Variants in BBS9 observed in about 807,000 individuals in gnomAD.
The protein encoded by BBS9 is protein PTHB1.
In BBS9, 89 loss-of-function variants were observed where a neutral mutation model predicts 117.7. That is an observed-to-expected ratio of 0.76 (90% CI 0.64 to 0.90). The LOEUF (loss-of-function observed/expected upper bound fraction) is 0.90. Ranked by LOEUF, BBS9 falls within the 40% of genes least tolerant of loss-of-function variation. The pLI is 0.00. For missense variants in BBS9, 982 were observed against 1,042.2 expected (o/e 0.94, Z 0.80); for synonymous variants, 379 against 370.9 (o/e 1.02, Z -0.25).
intron 6 of BBS9, among the ~76,000 whole-genome samples, chr7:33,257,779 GATATAATAAATA>G (rs971319986): frequency 6.6e-6 from 1 of 152,022 alleles, no homozygotes; most frequent in African/African-American, 2.4e-5. Flanking sequence ...ATTGTTCCTT[GATATAATAAATA>G]ATTAAATACG....
At chr7:33,168,040 A>T (rs1407496910) in intron 4 of BBS9, among the ~76,000 whole-genome samples, 2 of 152,206 alleles carry the variant, frequency 1.3e-5, no homozygotes, top group East Asian at 3.9e-4. Flanking sequence ...TACATATATT[A>T]ATAACATATT....
At chr7:33,141,533 AAT>A (rs1791463537) in intron 1 of BBS9, among the ~76,000 whole-genome samples, 1 of 152,084 alleles carries the variant, frequency 6.6e-6, no homozygotes, top group Non-Finnish European at 1.5e-5. Flanking sequence ...ATGCCCATCT[AAT>A]TTTTTTATTC....
intron 5 of BBS9, among the ~76,000 whole-genome samples, chr7:33,231,021 T>G (rs1792272677): frequency 6.6e-6 from 1 of 152,196 alleles, no homozygotes; most frequent in Non-Finnish European, 1.5e-5. Context: ...GAAGTCGTAC[T>G]AATTTATATT....
chr7:33,510,763 G>A (rs1174004339), intron 20 of BBS9, among the ~76,000 whole-genome samples: 2 of 152,186 alleles, frequency 1.3e-5, no homozygotes, highest in Admixed American at 1.3e-4. Flanking sequence ...ACATTGGATA[G>A]CCCAGATATA....
chr7:33,241,916 C>G (rs1416890313), intron 5 of BBS9, among the ~76,000 whole-genome samples: 1 of 152,046 alleles, frequency 6.6e-6, no homozygotes, highest in Non-Finnish European at 1.5e-5. Context: ...GTTTTCATCT[C>G]ATTCTCTATT....
At chr7:33,365,017 TTTTCA>T (rs985098276) in intron 16 of BBS9, among the ~76,000 whole-genome samples, 1 of 151,940 alleles carries the variant, frequency 6.6e-6, no homozygotes, top group African/African-American at 2.4e-5. Flanking sequence ...CGCCCAGCTG[TTTTCA>T]TTTCATTCAT....
intron 1 of BBS9, among the ~76,000 whole-genome samples, chr7:33,145,075 T>A (rs1307575818): frequency 6.6e-6 from 1 of 152,204 alleles, no homozygotes; most frequent in African/African-American, 2.4e-5. Context: ...TATTGATTGG[T>A]TGAAGAAAAT....
At chr7:33,150,406 G>C (rs1793121473) in intron 2 of BBS9, among the ~76,000 whole-genome samples, 1 of 152,188 alleles carries the variant, frequency 6.6e-6, no homozygotes, top group Non-Finnish European at 1.5e-5. Context: ...CAGTCTACTA[G>C]AGTTTCACCT....
At chr7:33,374,032 T>C (rs1030120390) in intron 17 of BBS9, among the ~76,000 whole-genome samples, 1 of 152,216 alleles carries the variant, frequency 6.6e-6, no homozygotes, top group Non-Finnish European at 1.5e-5. Flanking sequence ...GTATAAACAC[T>C]GTTGTGGCTC....
At chr7:33,628,244 A>T (rs184730999) in intron 21 of BBS9, among the ~76,000 whole-genome samples, 30 of 152,288 alleles carry the variant, frequency 2.0e-4, no homozygotes, top group African/African-American at 5.3e-4. Flanking sequence ...ACACAAACAG[A>T]AGAATAAAAA....
intron 1 of BBS9, among the ~76,000 whole-genome samples, chr7:33,141,583 A>G (rs918743335): frequency 7.9e-5 from 12 of 152,230 alleles, no homozygotes; most frequent in Middle Eastern, 6.8e-3. Flanking sequence ...GCCCAGGCTA[A>G]TTATAGATGT....
At chr7:33,348,636 A>G (rs1818042270) in intron 12 of BBS9, among the ~76,000 whole-genome samples, 1 of 152,184 alleles carries the variant, frequency 6.6e-6, no homozygotes, top group Non-Finnish European at 1.5e-5. Flanking sequence ...AGAAACTGCC[A>G]AACTTTTCTT....
In BBS9 at chr7:33,596,391, C is replaced by CTATA. The variant is rs58924113; in HGVS notation, c.2522-8469_2522-8466dup. Reference sequence around the variant, plus strand: ...TCTATCTATCTATCTATCTATCTATCTATATATAATTAGTCAAAAAAATTC... The same window carrying CTATA: ...TCTATCTATCTATCTATCTATCTATCTATATATATATAATTAGTCAAAAAAATTC... On this transcript the variant is annotated intron_variant, in intron 21 of 22. Coordinates refer to ENST00000242067, the MANE Select transcript of BBS9 (RefSeq NM_198428.3). 9.5e-3 allele frequency among the ~76,000 whole-genome samples: 1,424 copies of CTATA among 150,506 alleles called. 23 individuals carry two copies. Among genetic ancestry groups the CTATA allele is most frequent in the African/African-American group, 0.029 (1,198 of 40,838 alleles).
intron 5 of BBS9, among the ~76,000 whole-genome samples, chr7:33,213,321 A>G (rs1405312366): frequency 5.3e-5 from 8 of 152,178 alleles, no homozygotes. Flanking sequence ...TTAAAGTCCA[A>G]GGTCTCTTCA....
At chr7:33,508,817 A>G (rs1846506669) in intron 20 of BBS9, among the ~76,000 whole-genome samples, 1 of 152,202 alleles carries the variant, frequency 6.6e-6, no homozygotes, top group Admixed American at 6.5e-5. Flanking sequence ...AGACTTTCCT[A>G]GAAATAAATG....
At chr7:33,400,851 A>T (rs1828792124) in intron 19 of BBS9, among the ~76,000 whole-genome samples, 1 of 152,230 alleles carries the variant, frequency 6.6e-6, no homozygotes, top group Non-Finnish European at 1.5e-5. Context: ...TATAGCCTGG[A>T]ACAATCTAGC....
Position 33,237,340 on chromosome 7 carries a change from G to A in BBS9, c.443-19896G>A, listed in dbSNP as rs75274917. ...CACACAGACTTTTGTTCTTCTTTGA[G>A]CTATGTACAATTCTATATTTGGATA... is the stretch of plus-strand genomic sequence containing the variant. On this transcript the variant is annotated intron_variant, in intron 5 of 22. Coordinates refer to ENST00000242067, the MANE Select transcript of BBS9 (RefSeq NM_198428.3). 1.3e-4 allele frequency among the ~76,000 whole-genome samples: 20 copies of A among 152,182 alleles called. No homozygotes were observed. The East Asian group carries it at 3.5e-3, about 26-fold the overall frequency.
At chr7:33,633,134 T>A (rs1280867647) in intron 21 of BBS9, among the ~76,000 whole-genome samples, 1 of 152,212 alleles carries the variant, frequency 6.6e-6, no homozygotes, top group Non-Finnish European at 1.5e-5. Context: ...AAAGAGCCGC[T>A]TGTGTGCCCG....
At chr7:33,130,172 G>A (rs1789363354) in intron 1 of BBS9, 131 bp downstream of exon 1, 1 of 152,186 alleles carries the variant, frequency 6.6e-6, no homozygotes, top group Non-Finnish European at 1.5e-5. Flanking sequence ...TTAGATGTTT[G>A]CACTGAAATA....
Sources: allele counts gnomAD v4.1 joint callset (sites outside exome capture counted in the v4.1 genomes callset), GRCh38; gene constraint gnomAD v4.1.1; transcripts MANE v1.5; gene names NCBI Gene and HGNC (gene_info 2026-07-23, HGNC 2026-07-21).